The following PTPRM variants were observed in gnomAD, a reference collection of about 807,000 sequenced individuals.
The protein encoded by PTPRM is receptor-type tyrosine-protein phosphatase mu.
In PTPRM, 47 loss-of-function variants were observed where a neutral mutation model predicts 186.7. The ratio of observed to expected loss-of-function variants is 0.25; its 90% confidence interval spans 0.20 to 0.32. The LOEUF is 0.32. Among genes scored for constraint, PTPRM ranks in the 10% least tolerant of loss-of-function variants. The pLI is 1.00. For missense variants in PTPRM, 1,494 were observed against 1,865.0 expected, an observed-to-expected ratio of 0.80 and a Z score of 3.66; for synonymous variants, 668 against 674.9, an observed-to-expected ratio of 0.99 and a Z score of 0.16.
intron 11 of PTPRM, among the ~76,000 whole-genome samples, chr18:8,104,817 G>A (rs2091446684): frequency 6.6e-6 from 1 of 152,112 alleles, no homozygotes; most frequent in Non-Finnish European, 1.5e-5. Flanking sequence ...TAGAATATTG[G>A]ATTATTTTAA....
At chr18:8,184,031 C>A (rs1161363505) in intron 14 of PTPRM, among the ~76,000 whole-genome samples, 1 of 152,200 alleles carries the variant, frequency 6.6e-6, no homozygotes, top group Non-Finnish European at 1.5e-5. Context: ...CAGGCAACCA[C>A]TTTGAACTTG....
chr18:8,006,570 G>A (rs1319941157), intron 7 of PTPRM, among the ~76,000 whole-genome samples: 1 of 152,170 alleles, frequency 6.6e-6, no homozygotes, highest in African/African-American at 2.4e-5. Context: ...TTTCCCGGGA[G>A]TGGAATTGGC....
At chr18:8,322,734 C>G (rs934085765) in intron 22 of PTPRM, among the ~76,000 whole-genome samples, 14 of 152,280 alleles carry the variant, frequency 9.2e-5, no homozygotes, top group Admixed American at 2.6e-4. Flanking sequence ...CTGGATGAAG[C>G]CACACACATA....
intron 5 of PTPRM, among the ~76,000 whole-genome samples, chr18:7,944,037 C>G (rs184619097): frequency 1.3e-5 from 2 of 152,270 alleles, no homozygotes; most frequent in East Asian, 3.9e-4. Context: ...TTTACTTTCC[C>G]TGTTCGTCTC....
chr18:7,615,030 G>A lies in PTPRM; in HGVS notation c.73+47139G>A, dbSNP rs1246914765. On this transcript the variant is annotated intron_variant, in intron 1 of 32. Transcript: ENST00000580170. Reference sequence around the variant, plus strand: ...ACACATTATTATAATAACATTTACCGAGTGGCTTTTTTCTGTATGTTAACA... The same window carrying A: ...ACACATTATTATAATAACATTTACCAAGTGGCTTTTTTCTGTATGTTAACA... 3.9e-5 allele frequency among the ~76,000 whole-genome samples: 6 copies of A among 152,122 alleles called. No homozygotes were observed. The South Asian group carries it at 6.2e-4, about 16-fold the overall frequency.
rs543007418 is a variant in PTPRM, at chr18:8,276,156, C to G, written c.2755-20212C>G. Among the ~76,000 whole-genome samples the G allele has an allele frequency of 3.3e-5, 5 of 152,126 alleles. No individual in the cohort carries two copies. In the East Asian group the frequency reaches 9.7e-4, roughly 30 times the overall value. ...TGCCTCCTCCTTGAAGTCTTCCCAC[C>G]CAACCCATCCATCCCTCACTGTTTT... is the stretch of plus-strand genomic sequence containing the variant. On this transcript the variant is annotated intron_variant, in intron 19 of 32. Transcript: ENST00000580170.
intron 5 of PTPRM, among the ~76,000 whole-genome samples, chr18:7,928,981 A>G (rs2051327535): frequency 6.6e-6 from 1 of 152,206 alleles, no homozygotes; most frequent in South Asian, 2.1e-4. Context: ...ATGCAAAGTT[A>G]TCAGCCCTGA....
At chr18:8,384,527 T>A in intron 29 of PTPRM, 34 bp from the exon 30 acceptor site, 1 of 1,612,372 alleles carries the variant, frequency 6.2e-7, no homozygotes, top group Non-Finnish European at 8.5e-7. Flanking sequence ...TTTCCTCTTA[T>A]AACTAACCTT....
intron 4 of PTPRM, among the ~76,000 whole-genome samples, chr18:7,920,111 A>T (rs1568014919): frequency 2.0e-5 from 3 of 152,044 alleles, no homozygotes; most frequent in Admixed American, 1.3e-4. Context: ...TCTTGTAGGA[A>T]GAATTTAATT....
chr18:7,615,000 A>T (rs141589100), intron 1 of PTPRM, among the ~76,000 whole-genome samples: 1 of 152,308 alleles, frequency 6.6e-6, no homozygotes, highest in East Asian at 1.9e-4. Context: ...TCCCCTAGCC[A>T]ACACACACAT....
At chr18:8,215,582 G>A (rs1312997648) in intron 14 of PTPRM, among the ~76,000 whole-genome samples, 18 of 125,662 alleles carry the variant, frequency 1.4e-4, no homozygotes, top group African/African-American at 3.7e-4. Flanking sequence ...AAGATCTGTC[G>A]CCCAGGCCGG....
At chr18:7,720,838 G>T (rs186868734) in intron 1 of PTPRM, among the ~76,000 whole-genome samples, 2 of 152,218 alleles carry the variant, frequency 1.3e-5, no homozygotes, top group African/African-American at 4.8e-5. Context: ...ATGTTCCATT[G>T]TATGTGTATG....
intron 9 of PTPRM, among the ~76,000 whole-genome samples, chr18:8,079,012 A>G (rs2089983555): frequency 6.6e-6 from 1 of 152,252 alleles, no homozygotes; most frequent in South Asian, 2.1e-4. Context: ...AGTGCTGGAA[A>G]TGAATATGCT....
chr18:8,312,436 T>C (rs1254269383), intron 20 of PTPRM, among the ~76,000 whole-genome samples: 3 of 152,088 alleles, frequency 2.0e-5, no homozygotes, highest in African/African-American at 7.2e-5. Flanking sequence ...GTTCCTGGGG[T>C]TGCTGTTATC....
intron 7 of PTPRM, among the ~76,000 whole-genome samples, chr18:7,986,527 A>C (rs1250140435): frequency 2.6e-5 from 4 of 152,188 alleles, no homozygotes; most frequent in African/African-American, 9.7e-5. Context: ...GACATGGAGA[A>C]CAGTACATGC....
At position 7,888,183 on chromosome 18, in the gene PTPRM, A is replaced by T. The variant is rs755629375; in HGVS notation, c.274A>T (p.Asn92Tyr). 1 of 1,614,176 alleles carries T rather than the reference A, an allele frequency of 6.2e-7. No individual in the cohort carries two copies. The highest frequency in any genetic ancestry group is 1.7e-5 in the Admixed American group (1 of 60,018). The change falls in exon 3 of 33, where the codon AAT (asparagine) becomes TAT (tyrosine). Residue 92 changes from asparagine to tyrosine, a missense_variant. Asn to Tyr is a moderately radical substitution (Grantham distance 143, BLOSUM62 -2). Transcript: ENST00000580170. ...CCTGCTCTTACCCCAACTTAAAGAAAATGACACCCACTGCATCGATTTTCA... is the reference window on the plus strand; with the variant it reads ...CCTGCTCTTACCCCAACTTAAAGAATATGACACCCACTGCATCGATTTTCA... ...AHLLLPQLKE[N>Y]DTHCIDFHYF...
chr18:7,928,054 T>G (rs879651086), intron 5 of PTPRM, among the ~76,000 whole-genome samples: 2 of 152,202 alleles, frequency 1.3e-5, no homozygotes, highest in African/African-American at 4.8e-5. Flanking sequence ...GTAGTATTTT[T>G]ATTCTTCTCT....
chr18:7,775,928 T>TA (rs1429026278), intron 2 of PTPRM, among the ~76,000 whole-genome samples: 12 of 152,218 alleles, frequency 7.9e-5, no homozygotes, highest in Admixed American at 7.9e-4. Flanking sequence ...TGGCCCACCT[T>TA]AGACTAAGTT....
chr18:8,254,535 A>T (rs1445316109), intron 19 of PTPRM, among the ~76,000 whole-genome samples: 2 of 152,182 alleles, frequency 1.3e-5, no homozygotes, highest in African/African-American at 4.8e-5. Flanking sequence ...TTTAAACCTT[A>T]GAATGTGGTT....
Sources: gnomAD v4.1 joint callset for allele counts (sites outside exome capture counted in the v4.1 genomes callset) on GRCh38, gnomAD v4.1.1 for gene constraint, MANE v1.5 for transcripts, NCBI Gene and HGNC (gene_info 2026-07-23, HGNC 2026-07-21) for gene names.